VSTM1: variants seen among roughly 807,000 people sequenced by gnomAD.
VSTM1 encodes V-set and transmembrane domain-containing protein 1.
Under a neutral mutation model 33.1 loss-of-function variants are expected in VSTM1, and 27 were observed. The ratio of observed to expected loss-of-function variants is 0.82; its 90% CI spans 0.60 to 1.12. The LOEUF is 1.12. Ranked by LOEUF, VSTM1 falls within the 50% of genes most tolerant of loss-of-function variation. VSTM1 has a pLI of 0.00. For missense variants in VSTM1, 304 were observed against 288.9 expected, an observed-to-expected ratio of 1.05 and a Z score of -0.38; for synonymous variants, 115 against 110.3, an observed-to-expected ratio of 1.04 and a Z score of -0.27.
intron 6 of VSTM1, 69 bp from the exon 7 acceptor site, chr19:54,042,022 G>A (rs753177859): frequency 6.8e-6 from 11 of 1,608,058 alleles, no homozygotes; most frequent in Admixed American, 5.0e-5. Context: ...GGGCAATGGA[G>A]GGGAGAGGAA....
chr19:54,058,894 T>C (rs1385939770), intron 1 of VSTM1, among the ~76,000 whole-genome samples, 162 bp from the exon 2 acceptor site: 1 of 147,984 alleles, frequency 6.8e-6, no homozygotes, highest in African/African-American at 2.5e-5. Context: ...TGTACACATA[T>C]TACATATAAT....
At chr19:54,052,425 ATGAAAT>A (rs1341433343) in intron 3 of VSTM1, among the ~76,000 whole-genome samples, 1 of 140,462 alleles carries the variant, frequency 7.1e-6, no homozygotes, top group African/African-American at 2.6e-5. Flanking sequence ...AAAAATAAAA[ATGAAAT>A]GAAATATCAC....
At chr19:54,057,808 C>CA (rs74589305) in intron 3 of VSTM1, among the ~76,000 whole-genome samples, 33,761 of 116,742 alleles carry the variant, frequency 0.29, 4,404 homozygotes, top group Non-Finnish European at 0.34. Flanking sequence ...GACTCCCTCT[C>CA]AAAAAAAAAA....
chr19:54,060,817 A>G (rs2071355834), intron 1 of VSTM1, among the ~76,000 whole-genome samples: 1 of 151,836 alleles, frequency 6.6e-6, no homozygotes, highest in Non-Finnish European at 1.5e-5. Context: ...CAGCCTCCCA[A>G]ATAACTGGGA....
intron 8 of VSTM1, 34 bp downstream of exon 8, chr19:54,041,745 A>G (rs1302352945): frequency 6.2e-7 from 1 of 1,608,040 alleles, no homozygotes; most frequent in Non-Finnish European, 8.5e-7. Flanking sequence ...GTGGTGAGGG[A>G]GCTCTTGTGG....
In VSTM1 at chr19:54,061,111, A is replaced by T. The variant is rs977762960; in HGVS notation, c.35-2379T>A. 2.1e-5 allele frequency among the ~76,000 whole-genome samples: 3 copies of T among 139,946 alleles called. No homozygotes were observed. In the East Asian group the frequency reaches 6.4e-4, roughly 30 times the overall value. The allele number at this position is 139,946 out of a possible 152,430, so 91.8% of individuals were successfully genotyped here. On this transcript the variant is annotated intron_variant, in intron 1 of 8. Coordinates refer to ENST00000338372, the MANE Select transcript of VSTM1 (RefSeq NM_198481.4). ...TAGCTCACTGCAACCTCTGCCTCCC[A>T]GGTTCAAGCGATTTTCCTGCCTCAG...
intron 3 of VSTM1, among the ~76,000 whole-genome samples, chr19:54,052,255 G>A (rs1050821947): frequency 7.3e-5 from 11 of 150,240 alleles, no homozygotes; most frequent in Non-Finnish European, 1.5e-4. Context: ...AAAGTTAGCC[G>A]AGCGTGGTGG....
Position 54,058,551 on chromosome 19 carries a change from G to A in VSTM1, c.110C>T (p.Ser37Leu). 9.9e-6 allele frequency: 16 copies of A among 1,613,562 alleles called. No individual in the cohort carries two copies. Among genetic ancestry groups the A allele is most frequent in the Middle Eastern group, 1.6e-4 (1 of 6,062 alleles). The change falls in exon 3 of 9, where the codon TCG (serine) becomes TTG (leucine). Residue 37 changes from serine to leucine, a missense_variant. By Grantham distance (145) the Ser-to-Leu change is moderately radical. Coordinates refer to ENST00000338372, the MANE Select transcript of VSTM1 (RefSeq NM_198481.4). ...CACATTGCTCTCGGCTTCAACCACC[G>A]AGCTGGGCCAGGCGTGGAGGGAGGG... ...PKPSLHAWPS[S>L]VVEAESNVTL...
chr19:54,058,655 C>T, intron 2 of VSTM1, 42 bp downstream of exon 2: 4 of 1,613,570 alleles, frequency 2.5e-6, no homozygotes, highest in South Asian at 1.1e-5. Context: ...GGTCATGAAG[C>T]GTGGGATGCA....
At chr19:54,050,718 G>A (rs1304892223) in intron 4 of VSTM1, among the ~76,000 whole-genome samples, 1 of 152,100 alleles carries the variant, frequency 6.6e-6, no homozygotes, top group Non-Finnish European at 1.5e-5. Flanking sequence ...GGTGGCTCAT[G>A]CCTGTAATCC....
At chr19:54,062,717 C>T (rs1334803481) in intron 1 of VSTM1, among the ~76,000 whole-genome samples, 1 of 72,690 alleles carries the variant, frequency 1.4e-5, no homozygotes, top group African/African-American at 4.9e-5. Flanking sequence ...AAGCAAGACT[C>T]TGTCAAAAAA....
At chr19:54,056,209 CTTTTCTTTTTT>C (rs1321981615) in intron 3 of VSTM1, among the ~76,000 whole-genome samples, 1 of 46,484 alleles carries the variant, frequency 2.2e-5, no homozygotes, top group African/African-American at 7.1e-5. Context: ...CTTTTCTTTT[CTTTTCTTTTTT>C]TTTTTTTTTT....
At chr19:54,061,022 T>TC (rs2071369226) in intron 1 of VSTM1, among the ~76,000 whole-genome samples, 1 of 145,970 alleles carries the variant, frequency 6.9e-6, no homozygotes, top group African/African-American at 2.5e-5. Flanking sequence ...TTTTCTTTTT[T>TC]TTTTTTTTTT....
intron 4 of VSTM1, chr19:54,048,282 A>AT: frequency 3.4e-6 from 1 of 298,106 alleles, no homozygotes; most frequent in Non-Finnish European, 6.9e-6. Flanking sequence ...CGCCTGGCTA[A>AT]TTTTTGTATT....
chr19:54,060,682 G>A (rs1488801773), intron 1 of VSTM1, among the ~76,000 whole-genome samples: 2 of 152,066 alleles, frequency 1.3e-5, no homozygotes, highest in Admixed American at 6.6e-5. Flanking sequence ...TGTTCAAACA[G>A]TGATTCCTAT....
At position 54,042,284 on chromosome 19, in the gene VSTM1, G is replaced by C; in HGVS notation, c.480C>G (p.Ser160Arg). 6.2e-7 allele frequency: 1 copy of C among 1,613,950 alleles called. No individual in the cohort carries two copies. Among genetic ancestry groups the C allele is most frequent in the Non-Finnish European group, 8.5e-7 (1 of 1,179,986 alleles). The change falls in exon 5 of 9, where the codon AGC becomes AGG. Residue 160 changes from serine (S) to arginine (R), a missense_variant. Transcript: ENST00000338372. Reference protein sequence around the residue: ...FLSVFIIYRCSQHSSSSEEST... With the variant: ...FLSVFIIYRCRQHSSSSEEST... ...TGCGTTCTCTGAGCTCACTGTGCTG[G>C]CTGCATCTGTAGATGATGAAGACTG...
At chr19:54,057,670 G>A (rs969941089) in intron 3 of VSTM1, among the ~76,000 whole-genome samples, 2 of 151,862 alleles carry the variant, frequency 1.3e-5, no homozygotes, top group Non-Finnish European at 2.9e-5. Flanking sequence ...TTAGCCAGGT[G>A]TGGTGGCGCA....
Position 54,058,478 on chromosome 19 carries a change from G to A in VSTM1, c.183C>T (p.Arg61=), listed in dbSNP as rs755090714. 2 of 1,613,242 alleles carry A rather than the reference G, an allele frequency of 1.2e-6. No homozygotes were observed. ...GCTTGTACCCAGAGTCGTTCACCTT[G>A]CGCAGCACAAATGTCACATTCTGGG... ...AHSQNVTFVL[R]KVNDSGYKQE... is the part of the protein sequence containing the mutation. Residue 61 remains arginine, a synonymous_variant, in exon 3 of 9, where the codon CGC becomes CGT. Transcript: ENST00000338372.
At position 54,058,734 on chromosome 19, in the gene VSTM1, T is replaced by A. The variant is rs1207667688; in HGVS notation, c.35-2A>T. On this transcript the variant is annotated splice_acceptor_variant, in intron 1 of 8. Coordinates refer to ENST00000338372, the MANE Select transcript of VSTM1 (RefSeq NM_198481.4). LOFTEE classifies it high-confidence loss of function. Reference sequence around the variant, plus strand: ...CATCTTCGTAGCCCAGACACAGCCCTGGAAGAGAAATCTCAATGAGAGAAA... The same window carrying A: ...CATCTTCGTAGCCCAGACACAGCCCAGGAAGAGAAATCTCAATGAGAGAAA... The A allele has an allele frequency of 6.2e-7, 1 of 1,613,590 alleles. No homozygotes were observed. Among genetic ancestry groups the A allele is most frequent in the Non-Finnish European group, 8.5e-7 (1 of 1,179,998 alleles).
Sources: gnomAD v4.1 joint callset for allele counts (sites outside exome capture counted in the v4.1 genomes callset) on GRCh38, gnomAD v4.1.1 for gene constraint, MANE v1.5 for transcripts, NCBI Gene and HGNC (gene_info 2026-07-23, HGNC 2026-07-21) for gene names.